The following LRRN1 variants were observed in gnomAD, a reference collection of about 807,000 sequenced individuals.
The protein encoded by LRRN1 is leucine-rich repeat neuronal protein 1.
In LRRN1, 14 loss-of-function variants were observed where a neutral mutation model predicts 45.8. The ratio of observed to expected loss-of-function variants is 0.31; its 90% CI spans 0.20 to 0.48. The LOEUF (loss-of-function observed/expected upper bound fraction) is 0.48, where lower values mean the gene tolerates loss of function less well. Among genes scored for constraint, LRRN1 ranks in the 20% least tolerant of loss-of-function variants. The pLI is 0.99. For synonymous variants in LRRN1, 359 were observed against 330.1 expected (o/e 1.09, Z -0.95); for missense variants, 789 against 874.2 (o/e 0.90, Z 1.23).
At chr3:3,822,174 C>G (rs1693118414) in intron 1 of LRRN1, among the ~76,000 whole-genome samples, 2 of 152,180 alleles carry the variant, frequency 1.3e-5, no homozygotes, top group Admixed American at 1.3e-4. Context: ...AACATGATGG[C>G]ATTCACCTCA....
At chr3:3,844,102 A>T (rs1392095962) in intron 1 of LRRN1, among the ~76,000 whole-genome samples, 1 of 152,178 alleles carries the variant, frequency 6.6e-6, no homozygotes, top group Non-Finnish European at 1.5e-5. Flanking sequence ...ACAAATGTAC[A>T]CAGTCATATA....
At chr3:3,809,884 TCTGAC>T (rs1692841185) in intron 1 of LRRN1, among the ~76,000 whole-genome samples, 4 of 152,194 alleles carry the variant, frequency 2.6e-5, no homozygotes, top group African/African-American at 9.7e-5. Context: ...TGTGTTCAAA[TCTGAC>T]ATTTCTGCCT....
At chr3:3,824,524 T>A (rs1693174313) in intron 1 of LRRN1, among the ~76,000 whole-genome samples, 1 of 106,942 alleles carries the variant, frequency 9.4e-6, no homozygotes, top group African/African-American at 2.5e-5. Flanking sequence ...TGAACATTGT[T>A]CGGCTGACCT....
chr3:3,813,951 G>A (rs924305855), intron 1 of LRRN1, among the ~76,000 whole-genome samples: 1 of 151,860 alleles, frequency 6.6e-6, no homozygotes, highest in African/African-American at 2.4e-5. Context: ...CTTGTTTTGA[G>A]AACTGCTATC....
At chr3:3,807,790 A>G (rs1692796301) in intron 1 of LRRN1, among the ~76,000 whole-genome samples, 1 of 152,156 alleles carries the variant, frequency 6.6e-6, no homozygotes, top group South Asian at 2.1e-4. Flanking sequence ...ACAGTGGAGT[A>G]GCAATGACTG....
At chr3:3,838,951 G>T (rs1047363279) in intron 1 of LRRN1, among the ~76,000 whole-genome samples, 2 of 152,032 alleles carry the variant, frequency 1.3e-5, no homozygotes, top group Non-Finnish European at 2.9e-5. Flanking sequence ...CTCCCATTCT[G>T]TAGGTCATCT....
At chr3:3,801,892 G>A (rs890284833) in intron 1 of LRRN1, among the ~76,000 whole-genome samples, 1 of 152,150 alleles carries the variant, frequency 6.6e-6, no homozygotes, top group Non-Finnish European at 1.5e-5. Context: ...TTTCTGAATT[G>A]ACCCCTCAAC....
chr3:3,819,659 G>A (rs548817796), intron 1 of LRRN1, among the ~76,000 whole-genome samples: 12 of 152,272 alleles, frequency 7.9e-5, no homozygotes, highest in African/African-American at 2.9e-4. Context: ...CTAGCCTATA[G>A]CCTACTCCAG....
chr3:3,814,788 A>G (rs1575283378), intron 1 of LRRN1, among the ~76,000 whole-genome samples: 1 of 152,138 alleles, frequency 6.6e-6, no homozygotes, highest in Non-Finnish European at 1.5e-5. Flanking sequence ...AGAAGGCACC[A>G]TCTTCAAAGC....
Position 3,844,590 on chromosome 3 carries a change from G to C in LRRN1, c.-52G>C. 1 of 1,395,828 alleles carries C rather than the reference G, an allele frequency of 7.2e-7. No individual in the cohort carries two copies. Among genetic ancestry groups the C allele is most frequent in the Non-Finnish European group, 9.9e-7 (1 of 1,007,518 alleles). The allele number at this position is 1,395,828 out of a possible 1,614,324, so 86.5% of individuals were successfully genotyped here. A position where few individuals can be genotyped will look rare whatever the true frequency, so the allele number is the denominator to read the frequency against. On this transcript the variant is annotated 5_prime_UTR_variant, in exon 2 of 2. Coordinates refer to ENST00000319331, the MANE Select transcript of LRRN1 (RefSeq NM_020873.7). ...CTACATATCACAATATAGTGTTCAC[G>C]TTTTGTTAAAACTTTGGGGTGTCAG...
At position 3,846,044 on chromosome 3, in the gene LRRN1, C is replaced by T; in HGVS notation, c.1403C>T (p.Thr468Ile). 3 of 1,614,068 alleles carry T rather than the reference C, an allele frequency of 1.9e-6. No homozygotes were observed. The highest frequency in any genetic ancestry group is 2.5e-6 in the Non-Finnish European group (3 of 1,179,966). Residue 468 changes from threonine (T) to isoleucine (I), a missense_variant, in exon 2 of 2, where the codon ACT (threonine) becomes ATT (isoleucine). Coordinates refer to ENST00000319331, the MANE Select transcript of LRRN1 (RefSeq NM_020873.7). The surrounding 1 kb of genome is among the most constrained non-coding windows in gnomAD (Gnocchi z 5.7). The part of the protein sequence containing the change: ...YWVTPIGNKI[T>I]VETLSDKYKL... ...GTCACTCCCATTGGAAATAAGATAA[C>T]TGTGGAAACCCTTTCAGATAAATAC...
In LRRN1 at chr3:3,826,647, C is replaced by A. The variant is rs1263138684; in HGVS notation, c.-278-17717C>A. Among the ~76,000 whole-genome samples the A allele has an allele frequency of 2.0e-5, 3 of 152,080 alleles. No individual in the cohort carries two copies. In the East Asian group the frequency reaches 5.8e-4, roughly 29 times the overall value. The stretch of plus-strand genomic sequence containing the variant: ...TATTATAGCTCTTCCTCTCATACGA[C>A]CCTCCATCTGTGATCACTTAACACA... On this transcript the variant is annotated intron_variant, in intron 1 of 1. Transcript: ENST00000319331.
chr3:3,825,145 G>T (rs1211015039), intron 1 of LRRN1, among the ~76,000 whole-genome samples: 2 of 152,034 alleles, frequency 1.3e-5, no homozygotes, highest in African/African-American at 4.8e-5. Context: ...TTTTTCTTTT[G>T]CTTTTTACAT....
Position 3,840,448 on chromosome 3 carries a change from A to T in LRRN1, c.-278-3916A>T, listed in dbSNP as rs529592343. 2.0e-5 allele frequency among the ~76,000 whole-genome samples: 3 copies of T among 152,316 alleles called. No individual in the cohort carries two copies. In the South Asian group the frequency reaches 6.2e-4, roughly 32 times the overall value. Reference sequence around the variant, plus strand: ...TTACATTTAAACACTATTGGCGAGTAGCTCCTGAGAAATGCCATACATTGT... The same window carrying T: ...TTACATTTAAACACTATTGGCGAGTTGCTCCTGAGAAATGCCATACATTGT... On this transcript the variant is annotated intron_variant, in intron 1 of 1. Transcript: ENST00000319331.
chr3:3,806,341 A>AC (rs1341332169), intron 1 of LRRN1, among the ~76,000 whole-genome samples: 1 of 152,202 alleles, frequency 6.6e-6, no homozygotes, highest in Non-Finnish European at 1.5e-5. Flanking sequence ...GCCTTAACTC[A>AC]GATGTCAGCT....
intron 1 of LRRN1, among the ~76,000 whole-genome samples, chr3:3,834,330 TACA>T (rs1445172344): frequency 6.6e-6 from 1 of 151,342 alleles, no homozygotes; most frequent in East Asian, 2.0e-4. Flanking sequence ...CTAAATAGTT[TACA>T]ACAACGACTA....
chr3:3,819,608 C>G (rs1362507331), intron 1 of LRRN1, among the ~76,000 whole-genome samples: 1 of 152,162 alleles, frequency 6.6e-6, no homozygotes, highest in African/African-American at 2.4e-5. Flanking sequence ...ACATCATTTT[C>G]CCTCGTCTTT....
chr3:3,818,010 C>G (rs570386027), intron 1 of LRRN1, among the ~76,000 whole-genome samples: 1 of 152,270 alleles, frequency 6.6e-6, no homozygotes, highest in East Asian at 1.9e-4. Context: ...CTTTCAGTGC[C>G]CACAGTGACG....
intron 1 of LRRN1, among the ~76,000 whole-genome samples, chr3:3,821,375 G>A (rs1200644495): frequency 6.6e-6 from 1 of 152,148 alleles, no homozygotes; most frequent in Admixed American, 6.5e-5. Context: ...AGTGCTAATA[G>A]AGCAAACACA....
Sources: allele counts gnomAD v4.1 joint callset (sites outside exome capture counted in the v4.1 genomes callset), GRCh38; gene constraint gnomAD v4.1.1; non-coding constraint Gnocchi (gnomAD v3.1); transcripts MANE v1.5; gene names NCBI Gene and HGNC (gene_info 2026-07-23, HGNC 2026-07-21).